The following P2RY14 variants were observed in gnomAD, a reference collection of about 807,000 sequenced individuals.
The protein encoded by P2RY14 is purinergic receptor P2Y14.
A neutral mutation model predicts 0.9 loss-of-function variants in P2RY14; 2 were observed. That is an observed-to-expected ratio of 2.16 (90% CI 0.88 to 6.79). P2RY14 has a LOEUF of 6.79. Ranked by LOEUF, P2RY14 falls within the 30% of genes most tolerant of loss-of-function variation. The probability of loss-of-function intolerance (pLI) is 0.05; values close to 1 mark genes in which losing one functional copy is unlikely to be tolerated. For missense variants in P2RY14, 378 were observed against 400.1 expected (o/e 0.94, Z 0.47); for synonymous variants, 158 against 147.2 (o/e 1.07, Z -0.53).
intron 1 of P2RY14, among the ~76,000 whole-genome samples, chr3:151,248,138 T>G (rs1003410698): frequency 6.6e-6 from 1 of 151,934 alleles, no homozygotes; most frequent in Admixed American, 6.6e-5. Context: ...AAACAAAAAA[T>G]GCTATGAATG....
At chr3:151,266,223 A>G (rs1345838069) in intron 1 of P2RY14, among the ~76,000 whole-genome samples, 3 of 152,242 alleles carry the variant, frequency 2.0e-5, no homozygotes, top group Non-Finnish European at 2.9e-5. Context: ...AAATAAGTAG[A>G]TGTCCCTTCA....
chr3:151,251,775 C>T (rs1001466268), intron 1 of P2RY14, among the ~76,000 whole-genome samples: 6 of 152,180 alleles, frequency 3.9e-5, no homozygotes, highest in South Asian at 4.1e-4. Context: ...CTTCTTTCAC[C>T]TGGCTTATTC....
In P2RY14 at chr3:151,213,600, C is replaced by T; in HGVS notation, c.717G>A (p.Val239=). The change falls in exon 3 of 3, where the codon GTG becomes GTA. Residue 239 remains valine (V), a synonymous_variant. Coordinates refer to ENST00000309170, the MANE Select transcript of P2RY14 (RefSeq NM_014879.4). ...GTACAAAACAGACAAAAAACACAAA[C>T]ACGATGCTGAATATGTTGCGGCTAG... ...KKSSRNIFSI[V]FVFFVCFVPY... is the part of the protein sequence containing the mutation. 1.2e-6 allele frequency: 2 copies of T among 1,614,152 alleles called. No individual in the cohort carries two copies. The highest frequency in any genetic ancestry group is 1.6e-4 in the Middle Eastern group (1 of 6,062).
chr3:151,215,091 T>C (rs1385279055), intron 2 of P2RY14, among the ~76,000 whole-genome samples: 1 of 152,074 alleles, frequency 6.6e-6, no homozygotes, highest in Non-Finnish European at 1.5e-5. Flanking sequence ...TATGGGATTA[T>C]GGGTACCTTT....
intron 1 of P2RY14, among the ~76,000 whole-genome samples, chr3:151,246,972 C>G (rs1249631335): frequency 1.3e-5 from 2 of 152,168 alleles, no homozygotes; most frequent in East Asian, 3.8e-4. Context: ...CACGAACAGA[C>G]ACTTCTCAAA....
intron 1 of P2RY14, among the ~76,000 whole-genome samples, chr3:151,242,306 C>T (rs1456105192): frequency 6.6e-6 from 1 of 152,228 alleles, no homozygotes; most frequent in Non-Finnish European, 1.5e-5. Context: ...TCTCTAGGCT[C>T]CACCTCTGGG....
rs796856251 is a variant in P2RY14, at chr3:151,272,379, T to C, written c.-133+5908A>G. ...TTTTCTACTCAGTATATCATTCCCA[T>C]AGTTATCAGTCTATCATTTCCCATA... On this transcript the variant is annotated intron_variant, in intron 1 of 2. Coordinates refer to ENST00000309170, the MANE Select transcript of P2RY14 (RefSeq NM_014879.4). Among the ~76,000 whole-genome samples, 15 of 152,352 alleles carry C rather than the reference T, an allele frequency of 9.8e-5. No homozygotes were observed. The South Asian group carries it at 1.2e-3, about 13-fold the overall frequency.
At chr3:151,237,229 G>T (rs1405721044) in intron 1 of P2RY14, among the ~76,000 whole-genome samples, 1 of 151,116 alleles carries the variant, frequency 6.6e-6, no homozygotes, top group Non-Finnish European at 1.5e-5. Context: ...TAGTAGAGAC[G>T]GGGTTTCACT....
At chr3:151,273,885 C>G (rs182835515) in intron 1 of P2RY14, among the ~76,000 whole-genome samples, 1 of 152,274 alleles carries the variant, frequency 6.6e-6, no homozygotes, top group Non-Finnish European at 1.5e-5. Flanking sequence ...TCATTTTTGT[C>G]CATTCATGTA....
At chr3:151,257,606 ATT>A (rs1738070389) in intron 1 of P2RY14, among the ~76,000 whole-genome samples, 1 of 152,200 alleles carries the variant, frequency 6.6e-6, no homozygotes, top group South Asian at 2.1e-4. Context: ...AAAAATAAAT[ATT>A]GTCTGTCATC....
rs527613605 is a variant in P2RY14 at position 151,254,634 on chromosome 3, A to G, written c.-133+23653T>C. ...TAAAAGTACTTTTGTGAACAGCTGC[A>G]TTTAGAGAGAAATGTGAAGTCCAAG... On this transcript the variant is annotated intron_variant, in intron 1 of 2. Coordinates refer to ENST00000309170, the MANE Select transcript of P2RY14 (RefSeq NM_014879.4). Among the ~76,000 whole-genome samples the G allele has an allele frequency of 7.2e-5, 11 of 152,372 alleles. No individual in the cohort carries two copies. In the South Asian group the frequency reaches 2.1e-3, roughly 29 times the overall value.
chr3:151,240,682 A>G (rs73021198), intron 1 of P2RY14, among the ~76,000 whole-genome samples: 4,032 of 152,342 alleles, frequency 0.026, 161 homozygotes, highest in African/African-American at 0.093. Flanking sequence ...AATATTGACT[A>G]TTTTATACAG....
chr3:151,277,686 A>G (rs1742122692), intron 1 of P2RY14, among the ~76,000 whole-genome samples: 1 of 152,240 alleles, frequency 6.6e-6, no homozygotes, highest in South Asian at 2.1e-4. Flanking sequence ...GTCATAGACT[A>G]TAAATAAGTA....
chr3:151,260,523 T>C (rs931696393), intron 1 of P2RY14, among the ~76,000 whole-genome samples: 2 of 152,124 alleles, frequency 1.3e-5, no homozygotes, highest in African/African-American at 4.8e-5. Flanking sequence ...CTAATTTTTA[T>C]ATTTTTCATA....
intron 1 of P2RY14, among the ~76,000 whole-genome samples, chr3:151,221,405 A>T (rs371535934): frequency 6.6e-6 from 1 of 152,240 alleles, no homozygotes; most frequent in African/African-American, 2.4e-5. Context: ...GGGAAAATGT[A>T]TCCAGGGCAT....
chr3:151,250,367 C>T (rs911030784), intron 1 of P2RY14, among the ~76,000 whole-genome samples: 1 of 152,148 alleles, frequency 6.6e-6, no homozygotes, highest in Non-Finnish European at 1.5e-5. Flanking sequence ...ACCATCATCA[C>T]CATGCATCTC....
intron 1 of P2RY14, among the ~76,000 whole-genome samples, chr3:151,241,146 T>C (rs967800736): frequency 6.6e-6 from 1 of 152,192 alleles, no homozygotes; most frequent in African/African-American, 2.4e-5. Context: ...TTATGTAAAA[T>C]ATCATTAGTG....
rs571048087 is a variant in P2RY14 at position 151,267,826 on chromosome 3, C to T, written c.-133+10461G>A. Among the ~76,000 whole-genome samples the T allele has an allele frequency of 9.8e-4, 149 of 152,230 alleles. 2 individuals are homozygous for T. The Middle Eastern group carries it at 0.02, about 21-fold the overall frequency. On this transcript the variant is annotated intron_variant, in intron 1 of 2. Transcript: ENST00000309170. ...AAAGGAACCTTGCTAAAACATGGAG[C>T]ATGTTTTGGCTGAATAATATCAAGG...
intron 1 of P2RY14, among the ~76,000 whole-genome samples, chr3:151,256,166 A>G (rs1325909104): frequency 6.6e-6 from 1 of 152,236 alleles, no homozygotes; most frequent in Non-Finnish European, 1.5e-5. Flanking sequence ...CACTGTGGTT[A>G]TAGGAAGGCT....
Sources: allele counts gnomAD v4.1 joint callset (sites outside exome capture counted in the v4.1 genomes callset), GRCh38; gene constraint gnomAD v4.1.1; transcripts MANE v1.5; gene names NCBI Gene and HGNC (gene_info 2026-07-23, HGNC 2026-07-21).